DOCK3: variants seen among roughly 807,000 people sequenced by gnomAD.
DOCK3 encodes dedicator of cytokinesis 3, also known as dedicator of cytokinesis protein 3.
Under a neutral mutation model 265.6 loss-of-function variants are expected in DOCK3, and 60 were observed. That is an observed-to-expected ratio of 0.23 (90% CI 0.18 to 0.28). The LOEUF is 0.28. Among genes scored for constraint, DOCK3 ranks in the 10% least tolerant of loss-of-function variants. The probability of loss-of-function intolerance (pLI) is 1.00; values close to 1 mark genes in which losing one functional copy is unlikely to be tolerated. For missense variants in DOCK3, 1,981 were observed against 2,594.3 expected (o/e 0.76, Z 5.14); for synonymous variants, 881 against 938.0 (o/e 0.94, Z 1.11).
chr3:51,024,664 G>A (rs1228424334), intron 5 of DOCK3, among the ~76,000 whole-genome samples: 1 of 152,198 alleles, frequency 6.6e-6, no homozygotes, highest in Non-Finnish European at 1.5e-5. Flanking sequence ...ATGTAGGGAG[G>A]AATTGTGATT....
At chr3:51,124,908 TC>T (rs1282603362) in intron 9 of DOCK3, among the ~76,000 whole-genome samples, 1 of 149,276 alleles carries the variant, frequency 6.7e-6, no homozygotes, top group African/African-American at 2.5e-5. Context: ...GGTGGGTGGA[TC>T]ACCTGAGGTC....
At chr3:51,083,259 A>C (rs140936543) in intron 7 of DOCK3, among the ~76,000 whole-genome samples, 17 of 152,224 alleles carry the variant, frequency 1.1e-4, no homozygotes, top group Middle Eastern at 3.4e-3. Context: ...AATCCAAAGC[A>C]CCCTACCTAA....
chr3:50,947,086 A>G (rs568699019), intron 5 of DOCK3, among the ~76,000 whole-genome samples: 1 of 152,078 alleles, frequency 6.6e-6, no homozygotes, highest in Non-Finnish European at 1.5e-5. Flanking sequence ...TAAATGATTG[A>G]TTCCCACTAC....
intron 2 of DOCK3, among the ~76,000 whole-genome samples, chr3:50,783,433 T>A (rs1268376129): frequency 1.3e-5 from 2 of 152,188 alleles, no homozygotes; most frequent in Non-Finnish European, 2.9e-5. Flanking sequence ...TTAATGATGT[T>A]TAGCATTTTT....
chr3:51,302,423 T>A (rs186221495), intron 27 of DOCK3, among the ~76,000 whole-genome samples: 115 of 152,330 alleles, frequency 7.5e-4, no homozygotes, highest in African/African-American at 2.6e-3. Flanking sequence ...TTTAGCCTAT[T>A]TACATTTATG....
intron 5 of DOCK3, among the ~76,000 whole-genome samples, chr3:51,016,581 A>T (rs1262930402): frequency 1.1e-5 from 1 of 92,322 alleles, no homozygotes; most frequent in Non-Finnish European, 1.9e-5. Flanking sequence ...ATATTTATAT[A>T]TATCATATAT....
rs1260207554 is a variant in DOCK3, at chr3:50,675,541, C to A, written c.37+241C>A. Among the ~76,000 whole-genome samples, 1 of 151,772 alleles carries A rather than the reference C, an allele frequency of 6.6e-6. No homozygotes were observed. Among genetic ancestry groups the A allele is most frequent in the Admixed American group, 6.6e-5 (1 of 15,262 alleles). On this transcript the variant is annotated intron_variant, in intron 1 of 52. Transcript: ENST00000266037. This position sits in a 1 kb window ranked among gnomAD's most constrained non-coding sequence, Gnocchi z 6.1. ...CGGTGCGGCCTTGGCAGGTGCGGCC[C>A]GCGGGAGGGGTGGGCAAGGCCCGGG...
intron 5 of DOCK3, among the ~76,000 whole-genome samples, chr3:50,989,143 C>T (rs1046588343): frequency 1.3e-5 from 2 of 152,116 alleles, no homozygotes; most frequent in African/African-American, 4.8e-5. Flanking sequence ...ACAGGAAACC[C>T]CTGGCTTGGG....
intron 12 of DOCK3, among the ~76,000 whole-genome samples, chr3:51,163,658 G>A (rs966236529): frequency 1.3e-5 from 2 of 152,068 alleles, no homozygotes; most frequent in African/African-American, 4.8e-5. Context: ...AATAATGCAC[G>A]TAACCAAATA....
At chr3:50,925,299 A>T (rs2050699399) in intron 4 of DOCK3, among the ~76,000 whole-genome samples, 1 of 152,218 alleles carries the variant, frequency 6.6e-6, no homozygotes, top group Non-Finnish European at 1.5e-5. Flanking sequence ...ATTAGATATT[A>T]TTCTTGCAAG....
At chr3:51,245,566 T>C (rs1388603205) in intron 21 of DOCK3, among the ~76,000 whole-genome samples, 2 of 151,876 alleles carry the variant, frequency 1.3e-5, no homozygotes, top group Non-Finnish European at 2.9e-5. Flanking sequence ...AATTTTTTTG[T>C]ATTTTTAGTA....
At chr3:50,822,738 C>T (rs1338915174) in intron 2 of DOCK3, among the ~76,000 whole-genome samples, 2 of 152,182 alleles carry the variant, frequency 1.3e-5, no homozygotes, top group Non-Finnish European at 2.9e-5. Context: ...AGTGATCCCA[C>T]CTGCCTCGGC....
At chr3:50,690,937 G>A (rs1416983526) in intron 1 of DOCK3, among the ~76,000 whole-genome samples, 1 of 151,690 alleles carries the variant, frequency 6.6e-6, no homozygotes, top group Non-Finnish European at 1.5e-5. Flanking sequence ...CACTGTGCCT[G>A]GCCTCTACTT....
At chr3:50,702,720 C>T (rs1330647433) in intron 1 of DOCK3, among the ~76,000 whole-genome samples, 1 of 151,796 alleles carries the variant, frequency 6.6e-6, no homozygotes, top group Non-Finnish European at 1.5e-5. Flanking sequence ...ATGCATTTAT[C>T]TGTTCTAAGA....
chr3:50,752,897 C>T (rs1295638253), intron 1 of DOCK3, among the ~76,000 whole-genome samples: 1 of 152,146 alleles, frequency 6.6e-6, no homozygotes, highest in African/African-American at 2.4e-5. Flanking sequence ...TTTGTGCTAC[C>T]TTTGTTACAA....
intron 22 of DOCK3, among the ~76,000 whole-genome samples, chr3:51,248,472 G>A (rs1560280143): frequency 6.6e-6 from 1 of 152,260 alleles, no homozygotes. Flanking sequence ...TGGGATTGCA[G>A]ACGGAGTGTG....
intron 21 of DOCK3, among the ~76,000 whole-genome samples, chr3:51,242,166 A>G (rs1236912018): frequency 6.6e-6 from 1 of 151,728 alleles, no homozygotes; most frequent in East Asian, 1.9e-4. Flanking sequence ...AGCTGGATTC[A>G]TTTCTGGAAC....
intron 5 of DOCK3, among the ~76,000 whole-genome samples, chr3:50,976,974 T>C (rs1009423019): frequency 6.7e-5 from 10 of 150,018 alleles, no homozygotes; most frequent in Non-Finnish European, 1.3e-4. Flanking sequence ...ACCCCTGCCT[T>C]TTTTTGTTTT....
At chr3:50,985,410 A>G (rs2077860939) in intron 5 of DOCK3, among the ~76,000 whole-genome samples, 1 of 152,142 alleles carries the variant, frequency 6.6e-6, no homozygotes, top group Admixed American at 6.5e-5. Flanking sequence ...ATGTGAATCT[A>G]ATTTTTTCTT....
Sources: allele counts gnomAD v4.1 joint callset (sites outside exome capture counted in the v4.1 genomes callset), GRCh38; gene constraint gnomAD v4.1.1; non-coding constraint Gnocchi (gnomAD v3.1); transcripts MANE v1.5; gene names NCBI Gene and HGNC (gene_info 2026-07-23, HGNC 2026-07-21).